The following SLC16A12 variants were observed in gnomAD, a reference collection of about 807,000 sequenced individuals.
The protein encoded by SLC16A12 is monocarboxylate transporter 12.
A neutral mutation model predicts 42.4 loss-of-function variants in SLC16A12; 17 were observed. The ratio of observed to expected loss-of-function variants is 0.40; its 90% CI spans 0.27 to 0.60. SLC16A12 has a LOEUF of 0.60. Ranked by LOEUF, SLC16A12 falls within the 20% of genes least tolerant of loss-of-function variation. SLC16A12 has a pLI of 0.42. For synonymous variants in SLC16A12, 224 were observed against 229.4 expected (o/e 0.98, Z 0.21); for missense variants, 544 against 623.0 (o/e 0.87, Z 1.35).
intron 2 of SLC16A12, among the ~76,000 whole-genome samples, chr10:89,493,431 C>A (rs1008275255): frequency 6.6e-6 from 1 of 152,172 alleles, no homozygotes; most frequent in Non-Finnish European, 1.5e-5. Flanking sequence ...CCATGGCGGT[C>A]AGGCTGGTCT....
intron 2 of SLC16A12, among the ~76,000 whole-genome samples, chr10:89,525,106 A>G (rs1477624284): frequency 2.6e-5 from 4 of 151,848 alleles, no homozygotes; most frequent in African/African-American, 9.7e-5. Context: ...CTGTAGTCCC[A>G]GCTACTCAGG....
chr10:89,495,471 A>G (rs997004072), intron 2 of SLC16A12, among the ~76,000 whole-genome samples: 1 of 152,162 alleles, frequency 6.6e-6, no homozygotes, highest in Non-Finnish European at 1.5e-5. Flanking sequence ...AAAGGTATTA[A>G]CCCTTGGGAG....
At chr10:89,544,833 A>G (rs532632412) in intron 2 of SLC16A12, among the ~76,000 whole-genome samples, 1 of 152,258 alleles carries the variant, frequency 6.6e-6, no homozygotes, top group African/African-American at 2.4e-5. Flanking sequence ...GATTGATTGT[A>G]AAAATAGCTG....
At chr10:89,462,333 GA>G (rs764555432) in intron 3 of SLC16A12, 45 bp downstream of exon 3, 1 of 1,612,816 alleles carries the variant, frequency 6.2e-7, no homozygotes, top group South Asian at 1.1e-5. Flanking sequence ...TAAAAGAAAA[GA>G]CAGGCCAGGT....
intron 2 of SLC16A12, among the ~76,000 whole-genome samples, chr10:89,497,975 C>T (rs1842945426): frequency 6.6e-6 from 1 of 152,082 alleles, no homozygotes; most frequent in Non-Finnish European, 1.5e-5. Flanking sequence ...TATTTGAAAA[C>T]TTAACAAGAA....
chr10:89,462,755 G>C, intron 2 of SLC16A12, 131 bp from the exon 3 acceptor site: 1 of 1,001,166 alleles, frequency 1.0e-6, no homozygotes, highest in Non-Finnish European at 1.4e-6. Flanking sequence ...TACTAGACTG[G>C]GGCAGACTAT....
At chr10:89,513,731 C>CTTAATA in intron 2 of SLC16A12, among the ~76,000 whole-genome samples, 1 of 152,122 alleles carries the variant, frequency 6.6e-6, no homozygotes, top group Admixed American at 6.6e-5. Context: ...GAACAAGGGA[C>CTTAATA]TAGTCAGACC....
chr10:89,450,310 C>T (rs148673383), intron 3 of SLC16A12, among the ~76,000 whole-genome samples: 203 of 152,278 alleles, frequency 1.3e-3, no homozygotes, highest in African/African-American at 2.6e-3. Flanking sequence ...CACATGTGCA[C>T]GTATGTTTAA....
At chr10:89,547,606 C>A (rs1316790851) in intron 2 of SLC16A12, among the ~76,000 whole-genome samples, 2 of 152,074 alleles carry the variant, frequency 1.3e-5, no homozygotes, top group African/African-American at 2.4e-5. Flanking sequence ...TTACTACAAC[C>A]TTATAATAAG....
rs539746719 is a variant in SLC16A12, at chr10:89,498,331, AAAGAG to A, written c.-46-35712_-46-35708del. Reference sequence around the variant, plus strand: ...TGGTTAACAAAAAGAGACTGTGTTGAAAGAGAAGAGAAGAGAAGGAAACATTTCTA... The same window carrying A: ...TGGTTAACAAAAAGAGACTGTGTTGAAAGAGAAGAGAAGGAAACATTTCTA... On this transcript the variant is annotated intron_variant, in intron 2 of 7. Transcript: ENST00000371790. 6.6e-3 allele frequency among the ~76,000 whole-genome samples: 1,006 copies of A among 152,262 alleles called. 12 individuals are homozygous for A. Among genetic ancestry groups the A allele is most frequent in the African/African-American group, 0.023 (972 of 41,548 alleles).
At chr10:89,491,157 G>A (rs1191545194) in intron 2 of SLC16A12, among the ~76,000 whole-genome samples, 1 of 152,170 alleles carries the variant, frequency 6.6e-6, no homozygotes, top group African/African-American at 2.4e-5. Flanking sequence ...AGTTTCTCAT[G>A]AGCCAGTTAC....
At chr10:89,462,782 A>G (rs1842323879) in intron 2 of SLC16A12, 158 bp from the exon 3 acceptor site, 1 of 775,790 alleles carries the variant, frequency 1.3e-6, no homozygotes, top group African/African-American at 1.8e-5. Flanking sequence ...TCCTTGGTAC[A>G]TGCTTTCTTT....
intron 2 of SLC16A12, among the ~76,000 whole-genome samples, chr10:89,552,878 T>C (rs1843779977): frequency 6.6e-6 from 1 of 152,232 alleles, no homozygotes; most frequent in Non-Finnish European, 1.5e-5. Context: ...GAAATGGTAC[T>C]TTCTTAAATG....
intron 2 of SLC16A12, among the ~76,000 whole-genome samples, chr10:89,553,785 G>C (rs765070048): frequency 1.3e-5 from 2 of 151,924 alleles, no homozygotes; most frequent in African/African-American, 2.4e-5. Flanking sequence ...CAGGAGGTCA[G>C]GAGTTCAAGA....
At chr10:89,519,709 C>T (rs1338086957) in intron 2 of SLC16A12, among the ~76,000 whole-genome samples, 1 of 151,222 alleles carries the variant, frequency 6.6e-6, no homozygotes, top group African/African-American at 2.4e-5. Flanking sequence ...ACCATGGAAA[C>T]ATCATTTTTA....
chr10:89,523,319 G>A (rs975531600), intron 2 of SLC16A12, among the ~76,000 whole-genome samples: 1 of 152,148 alleles, frequency 6.6e-6, no homozygotes, highest in African/African-American at 2.4e-5. Context: ...TGTCTATACT[G>A]ACAATCTCCT....
chr10:89,545,416 C>A (rs1843736894), intron 2 of SLC16A12, among the ~76,000 whole-genome samples: 1 of 152,136 alleles, frequency 6.6e-6, no homozygotes. Flanking sequence ...CATTTCTTTA[C>A]ACCAACAGTA....
chr10:89,500,493 T>C (rs897787544), intron 2 of SLC16A12, among the ~76,000 whole-genome samples: 1 of 152,098 alleles, frequency 6.6e-6, no homozygotes, highest in Non-Finnish European at 1.5e-5. Flanking sequence ...TGGTTTAACA[T>C]ATGCAAGCCA....
intron 2 of SLC16A12, among the ~76,000 whole-genome samples, chr10:89,531,322 C>T (rs1843550339): frequency 6.6e-6 from 1 of 152,052 alleles, no homozygotes; most frequent in South Asian, 2.1e-4. Context: ...TTACTTGAAC[C>T]AGGGAGGCGG....
Sources: allele counts gnomAD v4.1 joint callset (sites outside exome capture counted in the v4.1 genomes callset), GRCh38; gene constraint gnomAD v4.1.1; transcripts MANE v1.5; gene names NCBI Gene and HGNC (gene_info 2026-07-23, HGNC 2026-07-21).